Variants in CSMD2 observed in about 807,000 individuals in gnomAD.
CSMD2 encodes CUB and Sushi multiple domains 2, also known as CUB and sushi domain-containing protein 2.
In CSMD2, 130 loss-of-function variants were observed where a neutral mutation model predicts 398.5. That is an observed-to-expected ratio of 0.33 (90% CI 0.28 to 0.38). The LOEUF (loss-of-function observed/expected upper bound fraction) is 0.38. Among genes scored for constraint, CSMD2 ranks in the 10% least tolerant of loss-of-function variants. The pLI is 1.00. For missense variants in CSMD2, 3,829 were observed against 4,764.9 expected (o/e 0.80, Z 5.78); for synonymous variants, 1,828 against 1,908.5 (o/e 0.96, Z 1.10).
intron 2 of CSMD2, among the ~76,000 whole-genome samples, chr1:34,082,355 A>G (rs1474804854): frequency 1.3e-5 from 2 of 148,224 alleles, no homozygotes; most frequent in African/African-American, 5.0e-5. Context: ...TCCGCCCAGC[A>G]GCCGCCCCGT....
chr1:34,165,702 A>G, upstream of CSMD2: 1 of 1,590,358 alleles, frequency 6.3e-7, no homozygotes, highest in Non-Finnish European at 8.6e-7. Context: ...CTGTCTGGGA[A>G]AAGGTAACCA....
chr1:33,865,113 C>T (rs1212775061), intron 5 of CSMD2, among the ~76,000 whole-genome samples: 3 of 151,110 alleles, frequency 2.0e-5, no homozygotes, highest in Non-Finnish European at 4.4e-5. Flanking sequence ...GTAGAAGCAC[C>T]GTGGTTCTGA....
intron 21 of CSMD2, 106 bp downstream of exon 21, chr1:33,714,481 G>T: frequency 1.5e-6 from 2 of 1,343,426 alleles, no homozygotes; most frequent in Non-Finnish European, 2.1e-6. Context: ...GTAAGTGTGG[G>T]CTAAGTCAGC....
intron 15 of CSMD2, among the ~76,000 whole-genome samples, chr1:33,737,180 T>C (rs1420310386): frequency 6.6e-6 from 1 of 152,208 alleles, no homozygotes; most frequent in Non-Finnish European, 1.5e-5. Flanking sequence ...CTGGGAAGCA[T>C]GGAGACTGAG....
chr1:34,156,795 C>G (rs1396446266), intron 1 of CSMD2, among the ~76,000 whole-genome samples: 1 of 152,064 alleles, frequency 6.6e-6, no homozygotes, highest in African/African-American at 2.4e-5. Context: ...ATAAAAGTTC[C>G]TTATAATAAT....
At chr1:34,018,364 T>C (rs532929322) in intron 3 of CSMD2, among the ~76,000 whole-genome samples, 12 of 152,374 alleles carry the variant, frequency 7.9e-5, no homozygotes, top group Non-Finnish European at 4.4e-5. Context: ...CTTTCATGCA[T>C]ATAACTTTCT....
intron 25 of CSMD2, among the ~76,000 whole-genome samples, chr1:33,667,455 T>TG (rs1426664794): frequency 6.6e-6 from 1 of 152,178 alleles, no homozygotes; most frequent in Non-Finnish European, 1.5e-5. Flanking sequence ...CACAAGGTCA[T>TG]GGGCTGGTTA....
chr1:33,974,857 TG>T (rs1645902646), intron 3 of CSMD2, among the ~76,000 whole-genome samples: 1 of 152,210 alleles, frequency 6.6e-6, no homozygotes. Flanking sequence ...TGGAGCTTCC[TG>T]GCCCCTTCTA....
intron 1 of CSMD2, among the ~76,000 whole-genome samples, chr1:34,159,251 G>A (rs2148578818): frequency 6.6e-6 from 1 of 152,272 alleles, no homozygotes; most frequent in Non-Finnish European, 1.5e-5. Context: ...GGAAATGTGA[G>A]GAGTTGTAAG....
At chr1:33,733,311 G>T (rs1214205951) in intron 15 of CSMD2, among the ~76,000 whole-genome samples, 1 of 152,152 alleles carries the variant, frequency 6.6e-6, no homozygotes, top group Non-Finnish European at 1.5e-5. Flanking sequence ...CTGTTTTGTG[G>T]TAGAATATAA....
At chr1:33,522,743 C>T (rs1157788077) in intron 67 of CSMD2, among the ~76,000 whole-genome samples, 3 of 152,202 alleles carry the variant, frequency 2.0e-5, no homozygotes, top group African/African-American at 4.8e-5. Context: ...ATGCTATGCT[C>T]AACTCCACTA....
intron 3 of CSMD2, among the ~76,000 whole-genome samples, chr1:33,992,573 A>G (rs1402897461): frequency 4.0e-5 from 6 of 150,836 alleles, no homozygotes; most frequent in East Asian, 4.0e-4. Context: ...CATCAATAAA[A>G]TGTTAGATAA....
chr1:34,163,963 T>G lies in CSMD2; in HGVS notation c.187+948A>C, dbSNP rs1641603417. Among the ~76,000 whole-genome samples the G allele has an allele frequency of 6.6e-6, 1 of 151,900 alleles. No homozygotes were observed. The highest frequency in any genetic ancestry group is 1.5e-5 in the Non-Finnish European group (1 of 67,916). ...AGGTTCGCGTACCTCCCCCGCGCGC[T>G]GCAAGCTGCAGCCAGACACCCGCGA... On this transcript the variant is annotated intron_variant, in intron 1 of 70. Transcript: ENST00000373381. This position sits in a 1 kb window ranked among gnomAD's most constrained non-coding sequence, Gnocchi z 5.4.
At position 33,846,968 on chromosome 1, in the gene CSMD2, CG is replaced by C; in HGVS notation, c.948del (p.Val317LeufsTer35). On this transcript the variant is annotated frameshift_variant, in exon 6 of 71. Coordinates refer to ENST00000373381, the MANE Select transcript of CSMD2 (RefSeq NM_001281956.2). LOFTEE classifies it high-confidence loss of function. ...CGCAGCCAGTTCTTGCTGCTGATAA[CG>C]GGGGCTGGGAGGCTGGCTCCGGTGA... is the stretch of plus-strand genomic sequence containing the variant. ...LWFTGASLPA[P>X]VISSKNWLRL... The C allele has an allele frequency of 1.2e-6, 2 of 1,609,642 alleles. No individual in the cohort carries two copies. Among genetic ancestry groups the C allele is most frequent in the South Asian group, 1.1e-5 (1 of 90,334 alleles).
At chr1:33,826,322 T>C (rs1161654401) in intron 6 of CSMD2, among the ~76,000 whole-genome samples, 1 of 152,194 alleles carries the variant, frequency 6.6e-6, no homozygotes, top group African/African-American at 2.4e-5. Context: ...CTCCTTGACT[T>C]TGGGTTTGGC....
At position 33,559,448 on chromosome 1, in the gene CSMD2, G is replaced by A; in HGVS notation, c.8406C>T (p.Asn2802=). The change falls in exon 54 of 71, where the codon AAC becomes AAT. Residue 2802 remains asparagine (N), a synonymous_variant. Transcript: ENST00000373381. The surrounding 1 kb of genome is among the most constrained non-coding windows in gnomAD (Gnocchi z 4.0). Reference sequence around the variant, plus strand: ...TACCCTGAGTGAGGCCGTTGACAGGGTTGCCTGGGTGTCCACAGGTAATTG... The same window carrying A: ...TACCCTGAGTGAGGCCGTTGACAGGATTGCCTGGGTGTCCACAGGTAATTG... ...CVPITCGHPG[N]PVNGLTQGNQ... The A allele has an allele frequency of 6.5e-7, 1 of 1,536,178 alleles. No homozygotes were observed. The highest frequency in any genetic ancestry group is 8.7e-7 in the Non-Finnish European group (1 of 1,146,918).
intron 6 of CSMD2, among the ~76,000 whole-genome samples, chr1:33,845,014 T>C (rs992495139): frequency 1.3e-5 from 2 of 152,236 alleles, no homozygotes; most frequent in African/African-American, 4.8e-5. Flanking sequence ...TCAGACTACA[T>C]TGTACACAGT....
At chr1:33,961,394 T>A (rs1645354516) in intron 3 of CSMD2, among the ~76,000 whole-genome samples, 1 of 152,248 alleles carries the variant, frequency 6.6e-6, no homozygotes. Flanking sequence ...TCTTCTGGCC[T>A]TGCATGCCCT....
intron 34 of CSMD2, 32 bp downstream of exon 34, chr1:33,625,019 G>T (rs755884854): frequency 1.9e-5 from 31 of 1,604,996 alleles, no homozygotes; most frequent in Non-Finnish European, 2.6e-5. Flanking sequence ...GCCGCCCCCC[G>T]CACCCTCAAC....
Sources: gnomAD v4.1 joint callset for allele counts (sites outside exome capture counted in the v4.1 genomes callset) on GRCh38, gnomAD v4.1.1 for gene constraint, Gnocchi (gnomAD v3.1) non-coding constraint, MANE v1.5 for transcripts, NCBI Gene and HGNC (gene_info 2026-07-23, HGNC 2026-07-21) for gene names.